Variants in CD300A observed in about 807,000 individuals in gnomAD.
CD300A encodes CMRF35-like molecule 8.
A neutral mutation model predicts 33.6 loss-of-function variants in CD300A; 22 were observed. That is an observed-to-expected ratio of 0.66 (90% confidence interval 0.47 to 0.94). The LOEUF is 0.94. CD300A is among the 40% of genes least tolerant of loss of function. The pLI is 0.00. For synonymous variants in CD300A, 136 were observed against 148.1 expected (o/e 0.92, Z 0.59); for missense variants, 326 against 360.5 (o/e 0.90, Z 0.77).
rs80185554 is a variant in CD300A, at chr17:74,475,417, G to T, written c.533+732G>T. Among the ~76,000 whole-genome samples, 73 of 152,242 alleles carry T rather than the reference G, an allele frequency of 4.8e-4. 1 individual carries two copies. In the East Asian group the frequency reaches 0.013, roughly 26 times the overall value. Reference sequence around the variant, plus strand: ...GATGAGTAAACTGAGACTCAGCGAGGTGAAGCAATTTGCCCAGTCAAGTAG... The same window carrying T: ...GATGAGTAAACTGAGACTCAGCGAGTTGAAGCAATTTGCCCAGTCAAGTAG... On this transcript the variant is annotated intron_variant, in intron 3 of 6. Transcript: ENST00000360141.
chr17:74,482,034 G>C lies in CD300A; in HGVS notation c.774+201G>C, dbSNP rs574131311. Among the ~76,000 whole-genome samples the C allele has an allele frequency of 2.6e-5, 4 of 152,084 alleles. No individual in the cohort carries two copies. In the East Asian group the frequency reaches 5.9e-4, roughly 22 times the overall value. The stretch of plus-strand genomic sequence containing the variant: ...AGGGCTTGGTGTCATTGTGGTGGGG[G>C]GTTTTTGGGGGTGGCCAGCAGCTAT... On this transcript the variant is annotated intron_variant, in intron 6 of 6. Transcript: ENST00000360141.
Position 74,474,519 on chromosome 17 carries a change from G to C in CD300A, c.380-13G>C. 3 of 1,613,692 alleles carry C rather than the reference G, an allele frequency of 1.9e-6. No individual in the cohort carries two copies. The highest frequency in any genetic ancestry group is 2.5e-6 in the Non-Finnish European group (3 of 1,179,704). The stretch of plus-strand genomic sequence containing the variant: ...GACAGCTCCCTGGGTCTGACTTGTG[G>C]TTTTGCCACCAGCATCAACGTCAAT... On this transcript the variant is annotated splice_polypyrimidine_tract_variant and intron_variant, in intron 2 of 6. Coordinates refer to ENST00000360141, the MANE Select transcript of CD300A (RefSeq NM_007261.4).
chr17:74,467,031 A>G (rs1400837532), intron 1 of CD300A: 1 of 1,302,094 alleles, frequency 7.7e-7, no homozygotes, highest in Non-Finnish European at 9.8e-7. Context: ...TTTTCAGTTG[A>G]ATTCTTACAG....
In CD300A at chr17:74,484,132, T is replaced by C. The variant is rs1432071358; in HGVS notation, c.*6T>C. 1.9e-6 allele frequency: 3 copies of C among 1,613,146 alleles called. No individual in the cohort carries two copies. In the African/African-American group the frequency reaches 4.0e-5, roughly 22 times the overall value. ...GTGTGATAAGGAAGACATAGGCTTT[T>C]GTCCTGCCTCGCCATCGGAGCTCTC... On this transcript the variant is annotated 3_prime_UTR_variant, in exon 7 of 7. Coordinates refer to ENST00000360141, the MANE Select transcript of CD300A (RefSeq NM_007261.4).
At chr17:74,474,722 T>G in intron 3 of CD300A, 37 bp downstream of exon 3, 2 of 1,607,076 alleles carry the variant, frequency 1.2e-6, no homozygotes, top group Non-Finnish European at 1.7e-6. Context: ...GAGGGGGCCC[T>G]GTGCTAAGAG....
At position 74,476,905 on chromosome 17, in the gene CD300A, C is replaced by T. The variant is rs192260177; in HGVS notation, c.534-531C>T. On this transcript the variant is annotated intron_variant, in intron 3 of 6. Coordinates refer to ENST00000360141, the MANE Select transcript of CD300A (RefSeq NM_007261.4). The stretch of plus-strand genomic sequence containing the variant: ...TTTGTGTGAAAGAGAAAGGAGATCC[C>T]GTACATTCGTATTTGCTTGTATACA... 1.9e-3 allele frequency among the ~76,000 whole-genome samples: 296 copies of T among 152,020 alleles called. 3 individuals carry two copies. Among genetic ancestry groups the T allele is most frequent in the African/African-American group, 6.6e-3 (273 of 41,442 alleles).
chr17:74,481,730 C>T lies in CD300A; in HGVS notation c.671C>T (p.Ala224Val), dbSNP rs1448245693. The change falls in exon 6 of 7, where the codon GCC becomes GTC. Residue 224 changes from alanine (A) to valine (V), a missense_variant. Transcript: ENST00000360141. ...SELSQNPKQA[A>V]TQSELHYANL... Reference sequence around the variant, plus strand: ...TGGGACCTCCTGCCCACCCAGGCTGCCACGCAGAGTGAGCTGCACTACGCA... The same window carrying T: ...TGGGACCTCCTGCCCACCCAGGCTGTCACGCAGAGTGAGCTGCACTACGCA... 2 of 1,607,410 alleles carry T rather than the reference C, an allele frequency of 1.2e-6. No homozygotes were observed. The highest frequency in any genetic ancestry group is 2.7e-5 in the African/African-American group (2 of 75,006).
intron 1 of CD300A, among the ~76,000 whole-genome samples, chr17:74,470,658 A>ATT (rs35719402): frequency 2.0e-5 from 3 of 151,566 alleles, no homozygotes; most frequent in East Asian, 1.9e-4. Flanking sequence ...GTTTTTATTT[A>ATT]TTTTTTTTGA....
At chr17:74,475,942 C>T (rs1906434413) in intron 3 of CD300A, among the ~76,000 whole-genome samples, 1 of 130,474 alleles carries the variant, frequency 7.7e-6, no homozygotes, top group Non-Finnish European at 1.5e-5. Context: ...TGCAGAGACA[C>T]ATAGGACAAG....
At position 74,466,659 on chromosome 17, in the gene CD300A, G is replaced by C. The variant is rs770818249; in HGVS notation, c.-45G>C. On this transcript the variant is annotated 5_prime_UTR_variant, in exon 1 of 7. Transcript: ENST00000360141. ...GTGACTTTCCCCTCGGGTCCAGGTA[G>C]GGCCTGGAGCTGCTGCAAGTGCCGC... 6.4e-7 allele frequency: 1 copy of C among 1,568,668 alleles called. No homozygotes were observed. The highest frequency in any genetic ancestry group is 1.9e-5 in the Admixed American group (1 of 53,544).
rs1213884298 is a variant in CD300A, at chr17:74,477,574, A to G, written c.628+44A>G. On this transcript the variant is annotated intron_variant, in intron 4 of 6. Transcript: ENST00000360141. ...CCCCTCTGCCCCACCTGGGGTGGTC[A>G]GACCCTGACCACAGACGCTCATCTT... The G allele has an allele frequency of 7.5e-6, 10 of 1,330,684 alleles. No individual in the cohort carries two copies. The Admixed American group carries it at 1.7e-4, about 23-fold the overall frequency. 82.4% of individuals were successfully genotyped at this position (1,330,684 alleles called of 1,614,324 possible). A position where few individuals can be genotyped will look rare whatever the true frequency, so the allele number is the denominator to read the frequency against.
intron 1 of CD300A, chr17:74,470,209 C>CT: frequency 3.0e-6 from 3 of 985,358 alleles, no homozygotes; most frequent in Non-Finnish European, 3.6e-6. Context: ...AAACACAAGC[C>CT]TGGGAGCACT....
chr17:74,481,610 G>C, intron 5 of CD300A, 116 bp from the exon 6 acceptor site: 1 of 753,854 alleles, frequency 1.3e-6, no homozygotes, highest in South Asian at 1.6e-5. Flanking sequence ...GGCAGGAAGG[G>C]GAAGGTGGGG....
intron 2 of CD300A, among the ~76,000 whole-genome samples, chr17:74,474,159 TG>T (rs1477721552): frequency 1.5e-5 from 2 of 133,372 alleles, no homozygotes; most frequent in South Asian, 4.9e-4. Context: ...TGCAGCTGAG[TG>T]GGGGAGGGGT....
At chr17:74,466,464 G>A (rs1477967791), upstream of CD300A, 3 of 585,720 alleles carry the variant, frequency 5.1e-6, no homozygotes, top group East Asian at 5.7e-5. Flanking sequence ...AATAGCCGAA[G>A]AACCTGCAGC....
Position 74,481,345 on chromosome 17 carries a change from G to GTAA in CD300A, c.666+19_666+20insTAA. The GTAA allele has an allele frequency of 1.2e-6, 2 of 1,613,060 alleles. No individual in the cohort carries two copies. Among genetic ancestry groups the GTAA allele is most frequent in the African/African-American group, 1.3e-5 (1 of 74,992 alleles). ...CAAGCAGGTAAGGGGGCTTTAGCAG[G>GTAA]AGGTGTATCAGGTGGCTGGGCGGAG... is the stretch of plus-strand genomic sequence containing the variant. On this transcript the variant is annotated intron_variant, in intron 5 of 6. Transcript: ENST00000360141.
chr17:74,469,521 A>G (rs143809370), intron 1 of CD300A, among the ~76,000 whole-genome samples: 139 of 152,254 alleles, frequency 9.1e-4, no homozygotes, highest in African/African-American at 2.8e-3. Context: ...CTGACTACCT[A>G]CTAGTCTAAT....
chr17:74,481,370 G>T, intron 5 of CD300A, 44 bp downstream of exon 5: 3 of 1,585,610 alleles, frequency 1.9e-6, no homozygotes. Context: ...GCTGGGCGGA[G>T]GGTACAGAGG....
intron 6 of CD300A, among the ~76,000 whole-genome samples, chr17:74,482,434 C>T (rs1275819355): frequency 6.7e-6 from 1 of 149,618 alleles, no homozygotes; most frequent in Non-Finnish European, 1.5e-5. Flanking sequence ...GGAGGGCTGG[C>T]ACCAGGGTGA....
Sources: allele counts gnomAD v4.1 joint callset (sites outside exome capture counted in the v4.1 genomes callset), GRCh38; gene constraint gnomAD v4.1.1; transcripts MANE v1.5; gene names NCBI Gene and HGNC (gene_info 2026-07-23, HGNC 2026-07-21).